Variants in MED27 observed in about 807,000 individuals in gnomAD.
MED27 encodes the protein mediator complex subunit 27.
Under a neutral mutation model 38.2 loss-of-function variants are expected in MED27, and 30 were observed. That is an observed-to-expected ratio of 0.79 (90% CI 0.59 to 1.07). The LOEUF (loss-of-function observed/expected upper bound fraction) is 1.07. Ranked by LOEUF, MED27 falls within the 50% of genes least tolerant of loss-of-function variation. MED27 has a pLI of 0.00. For synonymous variants in MED27, 122 were observed against 153.5 expected, an observed-to-expected ratio of 0.79 and a Z score of 1.52; for missense variants, 289 against 397.5, an observed-to-expected ratio of 0.73 and a Z score of 2.32.
intron 4 of MED27, among the ~76,000 whole-genome samples, chr9:131,931,401 A>C (rs1002299001): frequency 1.1e-4 from 16 of 152,152 alleles, no homozygotes; most frequent in African/African-American, 3.6e-4. Context: ...CACCAGAGAA[A>C]ATCACCTTCA....
chr9:131,987,801 A>C (rs571745242), intron 3 of MED27, among the ~76,000 whole-genome samples: 172 of 152,024 alleles, frequency 1.1e-3, no homozygotes, highest in Middle Eastern at 6.8e-3. Context: ...TGGGTACAAG[A>C]AAACCTCATT....
intron 2 of MED27, among the ~76,000 whole-genome samples, chr9:132,063,788 G>A (rs1222091499): frequency 2.0e-5 from 3 of 152,114 alleles, no homozygotes; most frequent in African/African-American, 7.2e-5. Flanking sequence ...GGGAGCCTGG[G>A]GTAATGAGCA....
At chr9:131,900,468 A>G (rs1589194996) in intron 4 of MED27, among the ~76,000 whole-genome samples, 1 of 152,220 alleles carries the variant, frequency 6.6e-6, no homozygotes, top group East Asian at 1.9e-4. Context: ...GGTTGAAATG[A>G]TATCTCTACT....
At chr9:132,074,832 T>G (rs572010538) in intron 2 of MED27, among the ~76,000 whole-genome samples, 18 of 152,364 alleles carry the variant, frequency 1.2e-4, no homozygotes, top group African/African-American at 4.3e-4. Context: ...AATAGTCACA[T>G]AGGACATTAT....
chr9:131,860,675 A>C lies in MED27; in HGVS notation c.802-3T>G. ...TTTATGTAACTTCTTAACCAGGTCT[A>C]AAAAGAGAAACGAGGAGAGAAGTGA... On this transcript the variant is annotated splice_region_variant and splice_polypyrimidine_tract_variant and intron_variant, in intron 7 of 7. Coordinates refer to ENST00000292035, the MANE Select transcript of MED27 (RefSeq NM_004269.4). This position sits in a 1 kb window ranked among gnomAD's most constrained non-coding sequence, Gnocchi z 5.8. 2 of 1,612,766 alleles carry C rather than the reference A, an allele frequency of 1.2e-6. No homozygotes were observed. Among genetic ancestry groups the C allele is most frequent in the Non-Finnish European group, 1.7e-6 (2 of 1,179,440 alleles).
At chr9:131,973,279 G>A (rs1176953348) in intron 3 of MED27, among the ~76,000 whole-genome samples, 1 of 152,072 alleles carries the variant, frequency 6.6e-6, no homozygotes, top group African/African-American at 2.4e-5. Flanking sequence ...ATCCCCAGCT[G>A]TAGGGATCCT....
chr9:131,957,602 C>A (rs1369698846), intron 3 of MED27, among the ~76,000 whole-genome samples: 2 of 152,040 alleles, frequency 1.3e-5, no homozygotes, highest in Non-Finnish European at 2.9e-5. Flanking sequence ...CTAAAACAAC[C>A]CACATGTCTG....
chr9:132,029,191 A>G (rs1832894538), intron 2 of MED27, among the ~76,000 whole-genome samples: 1 of 152,246 alleles, frequency 6.6e-6, no homozygotes, highest in South Asian at 2.1e-4. Context: ...AGGAACAAAT[A>G]GTAGAGATTG....
At position 131,923,969 on chromosome 9, in the gene MED27, A is replaced by G. The variant is rs117387735; in HGVS notation, c.573+15412T>C. Among the ~76,000 whole-genome samples, 11 of 152,380 alleles carry G rather than the reference A, an allele frequency of 7.2e-5. No individual in the cohort carries two copies. In the East Asian group the frequency reaches 1.9e-3, roughly 27 times the overall value. On this transcript the variant is annotated intron_variant, in intron 4 of 7. Coordinates refer to ENST00000292035, the MANE Select transcript of MED27 (RefSeq NM_004269.4). ...TTCTCATTCTTTTCTGAAGATGGAA[A>G]AAAAAGTGATGTGGCTCCATTGTGC...
At chr9:132,037,554 T>C (rs138711920) in intron 2 of MED27, among the ~76,000 whole-genome samples, 286 of 152,134 alleles carry the variant, frequency 1.9e-3, no homozygotes, top group Non-Finnish European at 3.4e-3. Context: ...CTTGGAGCGG[T>C]TGGTAATTCA....
chr9:131,930,571 T>G (rs1008913160), intron 4 of MED27, among the ~76,000 whole-genome samples: 2 of 152,102 alleles, frequency 1.3e-5, no homozygotes, highest in Non-Finnish European at 2.9e-5. Context: ...AAACAAAACC[T>G]GTGGGATTTC....
At chr9:132,002,396 T>C (rs1486765426) in intron 3 of MED27, among the ~76,000 whole-genome samples, 1 of 152,212 alleles carries the variant, frequency 6.6e-6, no homozygotes, top group Non-Finnish European at 1.5e-5. Flanking sequence ...TAAAATCTGT[T>C]CTGCCCTAAA....
At position 131,860,746 on chromosome 9, in the gene MED27, C is replaced by T; in HGVS notation, c.802-74G>A. The T allele has an allele frequency of 6.5e-7, 1 of 1,548,770 alleles. No individual in the cohort carries two copies. The highest frequency in any genetic ancestry group is 8.8e-7 in the Non-Finnish European group (1 of 1,138,364). ...CCCAAAGTCCTCCTTCCTATCAAGC[C>T]TAATGGCCCAGACAACTTAAGTTGG... On this transcript the variant is annotated intron_variant, in intron 7 of 7. Coordinates refer to ENST00000292035, the MANE Select transcript of MED27 (RefSeq NM_004269.4). This position sits in a 1 kb window ranked among gnomAD's most constrained non-coding sequence, Gnocchi z 5.8.
intron 2 of MED27, among the ~76,000 whole-genome samples, chr9:132,022,658 G>A (rs969961413): frequency 5.9e-5 from 9 of 152,156 alleles, no homozygotes; most frequent in South Asian, 2.1e-4. Flanking sequence ...GTCCATTTTC[G>A]CACTGCTGTA....
chr9:132,059,636 C>T (rs1009490801), intron 2 of MED27, among the ~76,000 whole-genome samples: 1 of 152,186 alleles, frequency 6.6e-6, no homozygotes, highest in Non-Finnish European at 1.5e-5. Flanking sequence ...ACACAAGATC[C>T]ATTACAGCCT....
At chr9:132,017,225 C>T (rs1254534216) in intron 2 of MED27, among the ~76,000 whole-genome samples, 3 of 152,164 alleles carry the variant, frequency 2.0e-5, no homozygotes, top group East Asian at 3.8e-4. Flanking sequence ...AGCACCAAAA[C>T]TCCATTCCAT....
rs1564282608 is a variant in MED27, at chr9:131,917,580, A to T, written c.573+21801T>A. ...TGGGGTGGGGGGCTAGTGTGCAGGG[A>T]CGAGGTAGGCTGATAGCACATCAGG... On this transcript the variant is annotated intron_variant, in intron 4 of 7. Coordinates refer to ENST00000292035, the MANE Select transcript of MED27 (RefSeq NM_004269.4). The surrounding 1 kb of genome is among the most constrained non-coding windows in gnomAD (Gnocchi z 4.6). Among the ~76,000 whole-genome samples, 1 of 152,130 alleles carries T rather than the reference A, an allele frequency of 6.6e-6. No homozygotes were observed. The highest frequency in any genetic ancestry group is 1.5e-5 in the Non-Finnish European group (1 of 68,028).
chr9:131,877,542 C>T (rs1838958323), intron 6 of MED27, among the ~76,000 whole-genome samples: 1 of 152,120 alleles, frequency 6.6e-6, no homozygotes, highest in Non-Finnish European at 1.5e-5. Flanking sequence ...CACCACTGCA[C>T]TCTAGTCTGG....
At chr9:131,977,322 C>T (rs776008190) in intron 3 of MED27, among the ~76,000 whole-genome samples, 6 of 152,180 alleles carry the variant, frequency 3.9e-5, no homozygotes, top group Non-Finnish European at 8.8e-5. Context: ...TAGTACTGAA[C>T]TGAAAGTGAG....
Sources: allele counts gnomAD v4.1 joint callset (sites outside exome capture counted in the v4.1 genomes callset), GRCh38; gene constraint gnomAD v4.1.1; non-coding constraint Gnocchi (gnomAD v3.1); transcripts MANE v1.5; gene names NCBI Gene and HGNC (gene_info 2026-07-23, HGNC 2026-07-21).